CTNND2: variants seen among roughly 807,000 people sequenced by gnomAD.
The protein encoded by CTNND2 is catenin delta 2.
CTNND2 carries 22 observed loss-of-function variants against 144.4 expected under a neutral mutation model. That is an observed-to-expected ratio of 0.15 (90% confidence interval 0.11 to 0.22). The LOEUF (loss-of-function observed/expected upper bound fraction) is 0.22, where lower values mean the gene tolerates loss of function less well. CTNND2 is among the 10% of genes least tolerant of loss of function. The pLI is 1.00. For missense variants in CTNND2, 1,353 were observed against 1,618.8 expected (o/e 0.84, Z 2.82); for synonymous variants, 751 against 695.6 (o/e 1.08, Z -1.25).
chr5:11,824,401 C>T (rs1173839247), intron 1 of CTNND2, among the ~76,000 whole-genome samples: 2 of 152,142 alleles, frequency 1.3e-5, no homozygotes, highest in Non-Finnish European at 2.9e-5. Flanking sequence ...ATGCAGGAGA[C>T]AGCAGTGGCA....
chr5:11,684,644 CCTT>C (rs1784563640), intron 2 of CTNND2, among the ~76,000 whole-genome samples: 1 of 152,154 alleles, frequency 6.6e-6, no homozygotes. Context: ...GTGCCTCCCA[CCTT>C]CTTAATTCCT....
At chr5:11,357,966 G>T (rs16901535) in intron 8 of CTNND2, among the ~76,000 whole-genome samples, 3,554 of 152,108 alleles carry the variant, frequency 0.023, 109 homozygotes, top group African/African-American at 0.069. Flanking sequence ...CTGTATCTTC[G>T]GGTAATGTCT....
chr5:11,642,433 C>T (rs1157758384), intron 2 of CTNND2, among the ~76,000 whole-genome samples: 1 of 152,052 alleles, frequency 6.6e-6, no homozygotes, highest in Non-Finnish European at 1.5e-5. Context: ...GAGAGGGTGG[C>T]GCTGCGAAAA....
At chr5:11,660,049 C>T (rs1229454642) in intron 2 of CTNND2, among the ~76,000 whole-genome samples, 1 of 152,042 alleles carries the variant, frequency 6.6e-6, no homozygotes, top group Non-Finnish European at 1.5e-5. Flanking sequence ...AATAAAGAGT[C>T]TTTATTAGAT....
intron 2 of CTNND2, among the ~76,000 whole-genome samples, chr5:11,595,839 T>G (rs1005970855): frequency 6.6e-6 from 1 of 152,182 alleles, no homozygotes; most frequent in African/African-American, 2.4e-5. Flanking sequence ...GAACACACTT[T>G]TTAAAACACA....
chr5:11,166,766 G>A (rs936990494), intron 11 of CTNND2, among the ~76,000 whole-genome samples: 8 of 152,030 alleles, frequency 5.3e-5, no homozygotes, highest in African/African-American at 1.2e-4. Context: ...CTATACAAAC[G>A]AGTATTTGGA....
At chr5:11,798,347 C>G (rs975097147) in intron 1 of CTNND2, among the ~76,000 whole-genome samples, 1 of 150,230 alleles carries the variant, frequency 6.7e-6, no homozygotes. Context: ...ATGCTATTTT[C>G]TTTTAGTGGG....
chr5:11,464,398 G>A (rs942301343), intron 3 of CTNND2, among the ~76,000 whole-genome samples: 9 of 152,064 alleles, frequency 5.9e-5, no homozygotes, highest in Non-Finnish European at 1.3e-4. Flanking sequence ...AGAAGAAAGG[G>A]AGCCTGCAAT....
intron 3 of CTNND2, among the ~76,000 whole-genome samples, chr5:11,501,017 A>C (rs954027124): frequency 6.6e-6 from 1 of 151,810 alleles, no homozygotes; most frequent in Admixed American, 6.6e-5. Context: ...CTTTTATTGA[A>C]TTTTCTTGTT....
At chr5:11,816,618 A>C (rs1285600537) in intron 1 of CTNND2, among the ~76,000 whole-genome samples, 1 of 125,176 alleles carries the variant, frequency 8.0e-6, no homozygotes, top group Non-Finnish European at 1.7e-5. Flanking sequence ...AGAGAGAGAG[A>C]GAGGGAAGAG....
intron 2 of CTNND2, among the ~76,000 whole-genome samples, chr5:11,614,016 T>C (rs1169600810): frequency 6.6e-6 from 1 of 152,188 alleles, no homozygotes; most frequent in African/African-American, 2.4e-5. Context: ...AAGAGTAAAA[T>C]GTCTGCCAAT....
chr5:11,732,339 C>T (rs1411364953), intron 1 of CTNND2, 67 bp from the exon 2 acceptor site: 49 of 1,487,436 alleles, frequency 3.3e-5, no homozygotes, highest in Non-Finnish European at 4.3e-5. Context: ...ACTATCAGAC[C>T]ACTTTGAAGA....
At chr5:11,106,289 T>G (rs1752423090) in intron 14 of CTNND2, among the ~76,000 whole-genome samples, 2 of 152,336 alleles carry the variant, frequency 1.3e-5, no homozygotes, top group South Asian at 2.1e-4. Context: ...AGTACAAACT[T>G]GGAAGCAACC....
intron 9 of CTNND2, among the ~76,000 whole-genome samples, chr5:11,243,574 A>G (rs1276506718): frequency 6.6e-6 from 1 of 152,214 alleles, no homozygotes; most frequent in East Asian, 1.9e-4. Context: ...ACTGGGCTTC[A>G]CTTTAGAAAT....
chr5:11,876,922 A>G (rs1735611115), intron 1 of CTNND2, among the ~76,000 whole-genome samples: 1 of 152,216 alleles, frequency 6.6e-6, no homozygotes, highest in Non-Finnish European at 1.5e-5. Flanking sequence ...TAATTATGAC[A>G]GTTAAGACCT....
chr5:10,990,108 G>A (rs572830517), intron 19 of CTNND2, among the ~76,000 whole-genome samples: 1 of 152,232 alleles, frequency 6.6e-6, no homozygotes, highest in Non-Finnish European at 1.5e-5. Flanking sequence ...TCACTTGTAG[G>A]ACAAGCCTGG....
chr5:11,678,499 T>G (rs1310139658), intron 2 of CTNND2, among the ~76,000 whole-genome samples: 1 of 152,112 alleles, frequency 6.6e-6, no homozygotes, highest in Non-Finnish European at 1.5e-5. Flanking sequence ...AGGTGTCCAT[T>G]GAAATAAGGA....
chr5:11,641,649 T>C (rs1160487172), intron 2 of CTNND2, among the ~76,000 whole-genome samples: 1 of 143,930 alleles, frequency 6.9e-6, no homozygotes, highest in Non-Finnish European at 1.5e-5. Flanking sequence ...TATATACATA[T>C]ACGTGTGTAT....
At chr5:11,477,381 A>T (rs1581280906) in intron 3 of CTNND2, among the ~76,000 whole-genome samples, 2 of 146,642 alleles carry the variant, frequency 1.4e-5, no homozygotes, top group African/African-American at 2.5e-5. Context: ...CACATCACCT[A>T]TTTTTTTTTT....
Sources: gnomAD v4.1 joint callset for allele counts (sites outside exome capture counted in the v4.1 genomes callset) on GRCh38, gnomAD v4.1.1 for gene constraint, MANE v1.5 for transcripts, NCBI Gene and HGNC (gene_info 2026-07-23, HGNC 2026-07-21) for gene names.